CTBP2: variants seen among roughly 807,000 people sequenced by gnomAD.
CTBP2 encodes the protein C-terminal binding protein 2.
CTBP2 carries 30 observed loss-of-function variants against 80.3 expected under a neutral mutation model. The observed-to-expected ratio is 0.37, with a 90% CI of 0.28 to 0.51. The LOEUF is 0.51. Ranked by LOEUF, CTBP2 falls within the 20% of genes least tolerant of loss-of-function variation. The pLI is 0.93. For synonymous variants in CTBP2, 594 were observed against 587.4 expected, an observed-to-expected ratio of 1.01 and a Z score of -0.16; for missense variants, 1,212 against 1,375.3, an observed-to-expected ratio of 0.88 and a Z score of 1.88.
At chr10:125,091,998 T>A (rs1848828143) in intron 2 of CTBP2, among the ~76,000 whole-genome samples, 4 of 152,290 alleles carry the variant, frequency 2.6e-5, no homozygotes, top group Middle Eastern at 6.8e-3. Flanking sequence ...TTTCAAACTG[T>A]GAAGGCATCA....
At chr10:125,070,127 G>A (rs951705765) in intron 2 of CTBP2, among the ~76,000 whole-genome samples, 2 of 127,626 alleles carry the variant, frequency 1.6e-5, no homozygotes, top group East Asian at 2.2e-4. Context: ...CGAGGCAGGC[G>A]GATCACAAAG....
At chr10:124,990,891 C>G (rs150641816) in intron 8 of CTBP2, among the ~76,000 whole-genome samples, 2 of 152,368 alleles carry the variant, frequency 1.3e-5, no homozygotes, top group Non-Finnish European at 2.9e-5. Flanking sequence ...TGCTGGCAGC[C>G]TCATCTCAGA....
rs139529238 is a variant in CTBP2, at chr10:125,017,219, C to T, written c.1678+8863G>A. Among the ~76,000 whole-genome samples, 205 of 152,290 alleles carry T rather than the reference C, an allele frequency of 1.3e-3. 1 individual carries two copies. The highest frequency in any genetic ancestry group is 4.2e-3 in the African/African-American group (176 of 41,548). On this transcript the variant is annotated intron_variant, in intron 1 of 8. Coordinates refer to ENST00000309035, the MANE Select transcript of CTBP2 (RefSeq NM_022802.3). ...CAGAAGGTGACACGCAGGAGGCTGTCGACGGGTAGCGGAGGAAGGTGCAGG... is the reference window on the plus strand; with the variant it reads ...CAGAAGGTGACACGCAGGAGGCTGTTGACGGGTAGCGGAGGAAGGTGCAGG...
At chr10:125,136,076 CTG>C (rs1257068019) in intron 1 of CTBP2, among the ~76,000 whole-genome samples, 2 of 152,374 alleles carry the variant, frequency 1.3e-5, no homozygotes, top group South Asian at 4.1e-4. Context: ...GCAGATGCCA[CTG>C]TGGACCACAC....
chr10:125,053,903 C>A (rs1162427438), intron 2 of CTBP2, among the ~76,000 whole-genome samples: 1 of 152,216 alleles, frequency 6.6e-6, no homozygotes, highest in African/African-American at 2.4e-5. Context: ...AGATTCCACA[C>A]AGGGACCCTC....
chr10:125,073,411 A>AT (rs1215768290), intron 2 of CTBP2, among the ~76,000 whole-genome samples: 1 of 151,944 alleles, frequency 6.6e-6, no homozygotes, highest in Non-Finnish European at 1.5e-5. Flanking sequence ...ACCCAGCTAT[A>AT]TTTTGTATTT....
At chr10:125,144,748 G>A (rs1173804596) in intron 1 of CTBP2, among the ~76,000 whole-genome samples, 4 of 152,208 alleles carry the variant, frequency 2.6e-5, no homozygotes, top group Non-Finnish European at 4.4e-5. Flanking sequence ...TAAAAACATC[G>A]ACTCTGTGGC....
intron 2 of CTBP2, among the ~76,000 whole-genome samples, chr10:125,082,914 T>G (rs112788731): frequency 1.3e-5 from 2 of 152,294 alleles, no homozygotes; most frequent in Non-Finnish European, 2.9e-5. Flanking sequence ...ACAGGACATA[T>G]GTCCAGCAGG....
At chr10:125,136,050 A>C (rs1277295808) in intron 1 of CTBP2, among the ~76,000 whole-genome samples, 2 of 152,172 alleles carry the variant, frequency 1.3e-5, no homozygotes, top group Admixed American at 1.3e-4. Flanking sequence ...TCACCTGGGA[A>C]CTTTTTATTA....
At chr10:125,129,647 A>G (rs1855826802) in intron 1 of CTBP2, among the ~76,000 whole-genome samples, 1 of 152,154 alleles carries the variant, frequency 6.6e-6, no homozygotes, top group African/African-American at 2.4e-5. Flanking sequence ...AAGAGACTGA[A>G]AACAATACCA....
intron 1 of CTBP2, among the ~76,000 whole-genome samples, chr10:125,151,964 C>T (rs1022089100): frequency 1.3e-5 from 2 of 152,238 alleles, no homozygotes; most frequent in African/African-American, 4.8e-5. Context: ...ACGACTTCCC[C>T]GCGGCGGGAA....
intron 1 of CTBP2, among the ~76,000 whole-genome samples, chr10:125,119,157 C>G (rs1853882477): frequency 6.6e-6 from 1 of 152,178 alleles, no homozygotes; most frequent in Admixed American, 6.5e-5. Context: ...CTACACAGGG[C>G]CAGAAGGTGA....
intron 1 of CTBP2, among the ~76,000 whole-genome samples, chr10:125,008,315 G>T (rs1422343818): frequency 5.3e-5 from 8 of 152,172 alleles, no homozygotes; most frequent in Non-Finnish European, 1.2e-4. Context: ...GCAGTCTCAA[G>T]ACACCAGTGC....
chr10:125,047,575 C>A (rs1387865624), intron 2 of CTBP2, among the ~76,000 whole-genome samples: 1 of 151,934 alleles, frequency 6.6e-6, no homozygotes, highest in Non-Finnish European at 1.5e-5. Context: ...TGAGGACTTG[C>A]AAAGGCAAGA....
At chr10:125,041,975 T>C (rs1010154757) in intron 2 of CTBP2, among the ~76,000 whole-genome samples, 12 of 72,334 alleles carry the variant, frequency 1.7e-4, no homozygotes, top group Non-Finnish European at 2.4e-4. Context: ...TTTTTGGGGG[T>C]GGGGGTGGGG....
chr10:125,067,488 C>A (rs560175425), intron 2 of CTBP2, among the ~76,000 whole-genome samples: 8 of 152,156 alleles, frequency 5.3e-5, no homozygotes, highest in African/African-American at 1.9e-4. Flanking sequence ...TGAGGAGATA[C>A]GGAACTCTCC....
chr10:125,026,530 T>C lies in CTBP2; in HGVS notation c.1230A>G (p.Pro410=). Residue 410 remains proline, a synonymous_variant, in exon 1 of 9, where the codon CCA becomes CCG. Transcript: ENST00000309035. ...CTGCCGTCTCCAGGAGGTGCTGAGA[T>C]GGTGCGCTGGAGGGACGGCGAGCCG... 6.3e-7 allele frequency: 1 copy of C among 1,590,942 alleles called. No individual in the cohort carries two copies. The highest frequency in any genetic ancestry group is 1.8e-5 in the Admixed American group (1 of 55,722).
At chr10:125,138,630 C>G (rs1857322751) in intron 1 of CTBP2, among the ~76,000 whole-genome samples, 1 of 145,892 alleles carries the variant, frequency 6.9e-6, no homozygotes, top group African/African-American at 2.5e-5. Context: ...GGGTAATTAC[C>G]ATAACCAAAG....
chr10:125,143,656 C>A (rs1051178102), intron 1 of CTBP2, among the ~76,000 whole-genome samples: 1 of 152,046 alleles, frequency 6.6e-6, no homozygotes, highest in Admixed American at 6.6e-5. Flanking sequence ...GGGAAGTGTA[C>A]AAAACATAAT....
Sources: gnomAD v4.1 joint callset for allele counts (sites outside exome capture counted in the v4.1 genomes callset) on GRCh38, gnomAD v4.1.1 for gene constraint, MANE v1.5 for transcripts, NCBI Gene and HGNC (gene_info 2026-07-23, HGNC 2026-07-21) for gene names.